The following LRRK1 variants were observed in gnomAD, a reference collection of about 807,000 sequenced individuals.
LRRK1 encodes the protein leucine-rich repeat serine/threonine-protein kinase 1.
In LRRK1, 113 loss-of-function variants were observed where a neutral mutation model predicts 209.1. The observed-to-expected ratio is 0.54, with a 90% confidence interval of 0.46 to 0.63. The LOEUF is 0.63. Among genes scored for constraint, LRRK1 ranks in the 30% least tolerant of loss-of-function variants. The pLI is 0.00. For missense variants in LRRK1, 2,284 were observed against 2,632.2 expected (o/e 0.87, Z 2.89); for synonymous variants, 1,144 against 1,099.7 (o/e 1.04, Z -0.80).
intron 20 of LRRK1, among the ~76,000 whole-genome samples, chr15:101,031,941 A>T (rs2034301922): frequency 6.6e-6 from 1 of 152,094 alleles, no homozygotes; most frequent in Admixed American, 6.6e-5. Context: ...TCACCATGTT[A>T]TCCAGGATGG....
intron 25 of LRRK1, 66 bp from the exon 26 acceptor site, chr15:101,053,157 C>G: frequency 1.3e-6 from 2 of 1,591,372 alleles, no homozygotes; most frequent in East Asian, 2.2e-5. Context: ...TCTGTGCGGC[C>G]TTAGAGAGGC....
At chr15:100,925,394 A>G (rs977957243) in intron 2 of LRRK1, among the ~76,000 whole-genome samples, 1 of 152,226 alleles carries the variant, frequency 6.6e-6, no homozygotes, top group African/African-American at 2.4e-5. Flanking sequence ...AACAAACATC[A>G]TTATCTGCGG....
At chr15:101,048,685 A>G (rs2141126409) in intron 22 of LRRK1, 28 bp downstream of exon 22, 7 of 1,480,456 alleles carry the variant, frequency 4.7e-6, no homozygotes, top group Non-Finnish European at 6.2e-6. Context: ...CCCACCTGCC[A>G]GGTCAGCAGG....
chr15:100,928,982 C>T (rs1006676282), intron 2 of LRRK1, among the ~76,000 whole-genome samples: 4 of 152,198 alleles, frequency 2.6e-5, no homozygotes, highest in African/African-American at 7.2e-5. Flanking sequence ...GGTTGGAAAG[C>T]TTTGATGGGC....
In LRRK1 at chr15:101,071,674, G is replaced by T. The variant is rs1298380927; in HGVS notation, c.*2826G>T. On this transcript the variant is annotated 3_prime_UTR_variant, in exon 34 of 34. Transcript: ENST00000388948. ...CAAAGTGCTGGGATTACAGGTGTGA[G>T]CTACCTGCGCTGGCCGAATCTCTGC... The T allele has an allele frequency of 6.6e-6, 1 of 152,246 alleles. No homozygotes were observed. Among genetic ancestry groups the T allele is most frequent in the South Asian group, 2.1e-4 (1 of 4,830 alleles). 9.4% of individuals were successfully genotyped at this position (152,246 alleles called of 1,614,324 possible). A position where few individuals can be genotyped will look rare whatever the true frequency, so the allele number is the denominator to read the frequency against.
At position 101,073,095 on chromosome 15, in the gene LRRK1, C is replaced by T. The variant is rs1371000841; in HGVS notation, c.*4247C>T. ...CACCAATTTCAAATCCAGTAAGCAG[C>T]CTCTTTTTACTCTCTTCTCCAACCT... On this transcript the variant is annotated 3_prime_UTR_variant, in exon 34 of 34. Coordinates refer to ENST00000388948, the MANE Select transcript of LRRK1 (RefSeq NM_024652.6). The T allele has an allele frequency of 5.5e-6, 1 of 182,846 alleles. No individual in the cohort carries two copies. Among genetic ancestry groups the T allele is most frequent in the Non-Finnish European group, 1.1e-5 (1 of 91,286 alleles). 11.3% of individuals were successfully genotyped at this position (182,846 alleles called of 1,614,324 possible). A position where few individuals can be genotyped will look rare whatever the true frequency, so the allele number is the denominator to read the frequency against.
chr15:100,974,996 A>G (rs571604103), intron 3 of LRRK1, among the ~76,000 whole-genome samples: 1 of 152,378 alleles, frequency 6.6e-6, no homozygotes, highest in South Asian at 2.1e-4. Context: ...TAAAACTCCA[A>G]CCTGTTCTCA....
chr15:100,986,184 A>G (rs1284599965), intron 4 of LRRK1, among the ~76,000 whole-genome samples: 1 of 152,192 alleles, frequency 6.6e-6, no homozygotes, highest in Non-Finnish European at 1.5e-5. Context: ...CCAGGCTGAG[A>G]TAGAAGGAGA....
intron 15 of LRRK1, among the ~76,000 whole-genome samples, chr15:101,023,753 A>G (rs2033900198): frequency 6.6e-6 from 1 of 152,198 alleles, no homozygotes; most frequent in African/African-American, 2.4e-5. Context: ...GAAGCTGTGC[A>G]TCTGTTCTAA....
rs2036061492 is a variant in LRRK1 at position 101,059,966 on chromosome 15, C to T, written c.4680-1205C>T. Reference sequence around the variant, plus strand: ...CTGGGAGGCTGGGCCGGGCCCTGCCCTGCTGGCCTAGAGACACACACGCGG... The same window carrying T: ...CTGGGAGGCTGGGCCGGGCCCTGCCTTGCTGGCCTAGAGACACACACGCGG... On this transcript the variant is annotated intron_variant, in intron 29 of 33. Transcript: ENST00000388948. 2.0e-5 allele frequency among the ~76,000 whole-genome samples: 3 copies of T among 152,100 alleles called. No individual in the cohort carries two copies. The South Asian group carries it at 6.2e-4, about 31-fold the overall frequency.
At chr15:101,026,254 C>A in intron 17 of LRRK1, 117 bp downstream of exon 17, 4 of 970,644 alleles carry the variant, frequency 4.1e-6, no homozygotes, top group Non-Finnish European at 6.1e-6. Flanking sequence ...CCTTTCCTGG[C>A]CAAGGGTGGC....
chr15:101,010,440 T>C lies in LRRK1; in HGVS notation c.990-10T>C, dbSNP rs184099727. On this transcript the variant is annotated splice_polypyrimidine_tract_variant and intron_variant, in intron 7 of 33. Coordinates refer to ENST00000388948, the MANE Select transcript of LRRK1 (RefSeq NM_024652.6). ...ATTCTGATGCCTGCCTTCCTTCTTC[T>C]CCATCGCAGGCTACTTGAAATTGAC... 901 of 1,602,234 alleles carry C rather than the reference T, an allele frequency of 5.6e-4. No homozygotes were observed. The highest frequency in any genetic ancestry group is 6.8e-4 in the Non-Finnish European group (799 of 1,176,564).
chr15:101,047,837 A>C (rs1001462107), intron 21 of LRRK1, among the ~76,000 whole-genome samples: 1 of 152,210 alleles, frequency 6.6e-6, no homozygotes, highest in South Asian at 2.1e-4. Context: ...ATCTAAACTG[A>C]GGACATCATT....
chr15:100,994,787 C>T (rs2032324088), intron 6 of LRRK1, among the ~76,000 whole-genome samples: 1 of 152,082 alleles, frequency 6.6e-6, no homozygotes, highest in African/African-American at 2.4e-5. Flanking sequence ...TGCCTGGCTG[C>T]CCCGTCATCT....
At chr15:101,012,799 G>T (rs990737991) in intron 10 of LRRK1, among the ~76,000 whole-genome samples, 5 of 152,216 alleles carry the variant, frequency 3.3e-5, no homozygotes, top group Non-Finnish European at 5.9e-5. Flanking sequence ...CAGAGAGGAT[G>T]GGCTATCATG....
intron 6 of LRRK1, among the ~76,000 whole-genome samples, chr15:101,000,994 C>A (rs965849052): frequency 6.6e-6 from 1 of 152,184 alleles, no homozygotes; most frequent in Non-Finnish European, 1.5e-5. Flanking sequence ...CCTCATCCTC[C>A]CGTTTTCAAT....
At position 100,953,092 on chromosome 15, in the gene LRRK1, A is replaced by G. The variant is rs193202765; in HGVS notation, c.98-20712A>G. 5.9e-5 allele frequency among the ~76,000 whole-genome samples: 9 copies of G among 152,326 alleles called. No individual in the cohort carries two copies. The East Asian group carries it at 1.7e-3, about 29-fold the overall frequency. On this transcript the variant is annotated intron_variant, in intron 2 of 33. Coordinates refer to ENST00000388948, the MANE Select transcript of LRRK1 (RefSeq NM_024652.6). ...GATGAGCATAATCAAGTTAATGAAC[A>G]CATCTACCATTTCACATAATTACCT...
chr15:100,925,223 T>C lies in LRRK1; in HGVS notation c.97+494T>C, dbSNP rs370834076. Among the ~76,000 whole-genome samples, 14 of 152,346 alleles carry C rather than the reference T, an allele frequency of 9.2e-5. No individual in the cohort carries two copies. The South Asian group carries it at 1.5e-3, about 16-fold the overall frequency. Reference sequence around the variant, plus strand: ...TACAAGGTGTATGTAATGTTGCATGTTGCTTTTTTCTCTTCACCGTCCATC... The same window carrying C: ...TACAAGGTGTATGTAATGTTGCATGCTGCTTTTTTCTCTTCACCGTCCATC... On this transcript the variant is annotated intron_variant, in intron 2 of 33. Transcript: ENST00000388948.
At chr15:101,051,602 G>A in intron 23 of LRRK1, 109 bp from the exon 24 acceptor site, 1 of 1,411,240 alleles carries the variant, frequency 7.1e-7, no homozygotes, top group Non-Finnish European at 9.6e-7. Flanking sequence ...GCCAGGACAG[G>A]CAGCTCCCCT....
Sources: gnomAD v4.1 joint callset for allele counts (sites outside exome capture counted in the v4.1 genomes callset) on GRCh38, gnomAD v4.1.1 for gene constraint, MANE v1.5 for transcripts, NCBI Gene and HGNC (gene_info 2026-07-23, HGNC 2026-07-21) for gene names.